Variants in TMEM8B observed in about 807,000 individuals in gnomAD.
TMEM8B encodes transmembrane protein 8B.
A neutral mutation model predicts 49.3 loss-of-function variants in TMEM8B; 29 were observed. The ratio of observed to expected loss-of-function variants is 0.59; its 90% confidence interval spans 0.44 to 0.80. The LOEUF (loss-of-function observed/expected upper bound fraction) is 0.80, where lower values mean the gene tolerates loss of function less well. Among genes scored for constraint, TMEM8B ranks in the 30% least tolerant of loss-of-function variants. The pLI, the probability that TMEM8B is intolerant of heterozygous loss-of-function variation, is 0.00. For synonymous variants in TMEM8B, 264 were observed against 272.8 expected, an observed-to-expected ratio of 0.97 and a Z score of 0.32; for missense variants, 575 against 658.5, an observed-to-expected ratio of 0.87 and a Z score of 1.39.
chr9:35,830,831 A>G (rs1466062575), intron 1 of TMEM8B, among the ~76,000 whole-genome samples: 1 of 152,196 alleles, frequency 6.6e-6, no homozygotes, highest in African/African-American at 2.4e-5. Context: ...AGTGACTTGG[A>G]CAGAAGAGAG....
chr9:35,858,284 T>G lies in TMEM8B; in HGVS notation c.*4444T>G, dbSNP rs1264979094. ...TTTTGTGTTTTTAGTAGAGGCAGGG[T>G]TTCATCACATTTCCCGGGCTGGTCT... On this transcript the variant is annotated 3_prime_UTR_variant, in exon 13 of 13. Transcript: ENST00000643932. 1 of 151,590 alleles carries G rather than the reference T, an allele frequency of 6.6e-6. No homozygotes were observed. The highest frequency in any genetic ancestry group is 1.5e-5 in the Non-Finnish European group (1 of 67,922). 9.4% of individuals were successfully genotyped at this position (151,590 alleles called of 1,614,324 possible). A position where few individuals can be genotyped will look rare whatever the true frequency, so the allele number is the denominator to read the frequency against.
rs906614941 is a variant in TMEM8B, at chr9:35,863,738, G to A, written c.*9898G>A. The A allele has an allele frequency of 6.6e-6, 1 of 152,212 alleles. No homozygotes were observed. Among genetic ancestry groups the A allele is most frequent in the Non-Finnish European group, 1.5e-5 (1 of 68,062 alleles). 9.4% of individuals were successfully genotyped at this position (152,212 alleles called of 1,614,324 possible). A position where few individuals can be genotyped will look rare whatever the true frequency, so the allele number is the denominator to read the frequency against. The stretch of plus-strand genomic sequence containing the variant: ...TGTTATGGCTGGGGAAGGACACACT[G>A]GAGGCTCTTGCTGCTCTGAGCCACA... On this transcript the variant is annotated 3_prime_UTR_variant, in exon 13 of 13. Transcript: ENST00000643932.
rs796997383 is a variant in TMEM8B at position 35,855,888 on chromosome 9, CTGTT to C, written c.*2049_*2052del. 7 of 152,334 alleles carry C rather than the reference CTGTT, an allele frequency of 4.6e-5. No individual in the cohort carries two copies. Among genetic ancestry groups the C allele is most frequent in the African/African-American group, 1.7e-4 (7 of 41,570 alleles). 9.4% of individuals were successfully genotyped at this position (152,334 alleles called of 1,614,324 possible). ...CAGTGAGGAGGTGTGAGCTAGGTGT[CTGTT>C]CCCATTTTAGAAAATACTGTTCCTA... On this transcript the variant is annotated 3_prime_UTR_variant, in exon 13 of 13. Coordinates refer to ENST00000643932, the MANE Select transcript of TMEM8B (RefSeq NM_001042590.4).
chr9:35,829,447 C>T lies in TMEM8B; in HGVS notation c.-1C>T. ...GTCCGGCCCCGCCCCCGCCCCGGGCCATGGCCCAGCCCTTGTCCCGGCCCC... is the reference window on the plus strand; with the variant it reads ...GTCCGGCCCCGCCCCCGCCCCGGGCTATGGCCCAGCCCTTGTCCCGGCCCC... On this transcript the variant is annotated 5_prime_UTR_variant, in exon 1 of 13. Transcript: ENST00000643932. 1 of 352,690 alleles carries T rather than the reference C, an allele frequency of 2.8e-6. No individual in the cohort carries two copies. Among genetic ancestry groups the T allele is most frequent in the Non-Finnish European group, 5.1e-6 (1 of 196,682 alleles). 21.8% of individuals were successfully genotyped at this position (352,690 alleles called of 1,614,324 possible).
chr9:35,864,568 G>A lies in TMEM8B; in HGVS notation c.*10728G>A, dbSNP rs1363753613. 1 of 152,178 alleles carries A rather than the reference G, an allele frequency of 6.6e-6. No homozygotes were observed. The highest frequency in any genetic ancestry group is 1.5e-5 in the Non-Finnish European group (1 of 68,052). The allele number at this position is 152,178 out of a possible 1,614,324, so 9.4% of individuals were successfully genotyped here. On this transcript the variant is annotated 3_prime_UTR_variant, in exon 13 of 13. Transcript: ENST00000643932. ...ACCATGGAGACGGCAGTATTTCCTT[G>A]TGGGCTTGTTTTAAGGATCCAGTGA...
Position 35,853,821 on chromosome 9 carries a change from G to A in TMEM8B, c.2756G>A (p.Ser919Asn), listed in dbSNP as rs776938237. Residue 919 changes from serine (S) to asparagine (N), a missense_variant, in exon 13 of 13, where the codon AGC becomes AAC. Transcript: ENST00000643932. The surrounding 1 kb of genome is among the most constrained non-coding windows in gnomAD (Gnocchi z 4.2). ...GTGGGCCCAGGAGGGGCCACTGTCA[G>A]CAGCATCTGTGCCAGCTGAGAGGGG... is the stretch of plus-strand genomic sequence containing the variant. ...GLVGPGGATVSSICAS is the reference protein window; with the variant it reads ...GLVGPGGATVNSICAS 7.1e-6 allele frequency: 11 copies of A among 1,547,420 alleles called. No homozygotes were observed. The highest frequency in any genetic ancestry group is 9.6e-6 in the Non-Finnish European group (11 of 1,149,870).
chr9:35,839,500 A>T (rs1564024412), intron 3 of TMEM8B, among the ~76,000 whole-genome samples: 1 of 152,094 alleles, frequency 6.6e-6, no homozygotes, highest in Non-Finnish European at 1.5e-5. Context: ...CTGCATGAAG[A>T]GGGGGGACTG....
intron 3 of TMEM8B, among the ~76,000 whole-genome samples, chr9:35,837,316 C>T (rs1006947434): frequency 1.3e-5 from 2 of 151,902 alleles, no homozygotes; most frequent in Admixed American, 1.3e-4. Context: ...AGATGCATGT[C>T]GGATATAGGA....
intron 1 of TMEM8B, 61 bp from the exon 2 acceptor site, chr9:35,834,400 G>A (rs559214958): frequency 2.0e-5 from 8 of 407,448 alleles, no homozygotes; most frequent in South Asian, 1.3e-4. Flanking sequence ...TGGCATGCCT[G>A]TTGCTTAATG....
rs778667409 is a variant in TMEM8B, at chr9:35,846,368, G to T, written c.1840G>T (p.Gly614Trp). The T allele has an allele frequency of 6.2e-7, 1 of 1,613,316 alleles. No homozygotes were observed. Among genetic ancestry groups the T allele is most frequent in the Non-Finnish European group, 8.5e-7 (1 of 1,179,784 alleles). The change falls in exon 8 of 13, where the codon GGG (glycine) becomes TGG (tryptophan). Residue 614 changes from glycine (G) to tryptophan (W), a missense_variant. Physicochemically the swap from Gly to Trp is radical, Grantham distance 184. Coordinates refer to ENST00000643932, the MANE Select transcript of TMEM8B (RefSeq NM_001042590.4). ...GTTCCTGGCCCTCCGCTCCCTGTGC[G>T]GGGTGGGGCCTCGGTGAGCGGTGCG... ...TWFLALRSLC[G>W]VGPRFVRCRN... is the part of the protein sequence containing the mutation.
At position 35,859,939 on chromosome 9, in the gene TMEM8B, C is replaced by G. The variant is rs897742874; in HGVS notation, c.*6099C>G. On this transcript the variant is annotated 3_prime_UTR_variant, in exon 13 of 13. Transcript: ENST00000643932. Reference sequence around the variant, plus strand: ...GGTTACAGTGCTCGTGTAGCCCCATCAGGACGTATTCCGTCACAGCTGTCT... The same window carrying G: ...GGTTACAGTGCTCGTGTAGCCCCATGAGGACGTATTCCGTCACAGCTGTCT... 6.5e-6 allele frequency: 1 copy of G among 152,900 alleles called. No individual in the cohort carries two copies. Among genetic ancestry groups the G allele is most frequent in the African/African-American group, 2.4e-5 (1 of 41,474 alleles). The allele number at this position is 152,900 out of a possible 1,614,324, so 9.5% of individuals were successfully genotyped here.
In TMEM8B at chr9:35,848,776, G is replaced by A. The variant is rs112187870; in HGVS notation, c.2175+1781G>A. ...TGCAACCTCCGCCTCCCAGGTTCAA[G>A]CGATTCTCCTGCCTCAGCCTCCTGA... On this transcript the variant is annotated intron_variant, in intron 10 of 12. Transcript: ENST00000643932. 1.9e-3 allele frequency among the ~76,000 whole-genome samples: 279 copies of A among 149,486 alleles called. 1 individual carries two copies. The highest frequency in any genetic ancestry group is 3.3e-3 in the Non-Finnish European group (220 of 67,606).
chr9:35,858,104 C>G lies in TMEM8B; in HGVS notation c.*4264C>G, dbSNP rs1025854930. On this transcript the variant is annotated 3_prime_UTR_variant, in exon 13 of 13. Transcript: ENST00000643932. ...TGGTGCTGTTCCATTTTTTTTCTTT[C>G]TTTCTTTTTTTTTTTTTTGAGACGG... 1.9e-5 allele frequency: 2 copies of G among 103,702 alleles called. No homozygotes were observed. Among genetic ancestry groups the G allele is most frequent in the Admixed American group, 2.1e-4 (2 of 9,494 alleles). The allele number at this position is 103,702 out of a possible 1,614,324, so 6.4% of individuals were successfully genotyped here. A position where few individuals can be genotyped will look rare whatever the true frequency, so the allele number is the denominator to read the frequency against.
rs986747897 is a variant in TMEM8B at position 35,863,485 on chromosome 9, G to C, written c.*9645G>C. 1.3e-5 allele frequency: 2 copies of C among 152,230 alleles called. No homozygotes were observed. Among genetic ancestry groups the C allele is most frequent in the African/African-American group, 4.8e-5 (2 of 41,452 alleles). 9.4% of individuals were successfully genotyped at this position (152,230 alleles called of 1,614,324 possible). ...ATGTTACCAGGTTGCCTACAGCTTT[G>C]CCTGTAACATGGGCACAGGCTGGGA... On this transcript the variant is annotated 3_prime_UTR_variant, in exon 13 of 13. Transcript: ENST00000643932.
At position 35,846,294 on chromosome 9, in the gene TMEM8B, C is replaced by A; in HGVS notation, c.1766C>A (p.Thr589Asn). ...GGCTTCCTCCTCTCTGTCAGTGCCACCACCAGGGTTGCCAGGCTGCGAATC... is the reference window on the plus strand; with the variant it reads ...GGCTTCCTCCTCTCTGTCAGTGCCAACACCAGGGTTGCCAGGCTGCGAATC... ...LAGFLLSVSA[T>N]TRVARLRIPF... Residue 589 changes from threonine (T) to asparagine (N), a missense_variant, in exon 8 of 13, where the codon ACC becomes AAC. Transcript: ENST00000643932. 2 of 1,614,230 alleles carry A rather than the reference C, an allele frequency of 1.2e-6. No individual in the cohort carries two copies. The highest frequency in any genetic ancestry group is 1.7e-6 in the Non-Finnish European group (2 of 1,180,038).
Position 35,842,631 on chromosome 9 carries a change from C to G in TMEM8B, c.1549C>G (p.Pro517Ala). The change falls in exon 6 of 13, where the codon CCT becomes GCT. Residue 517 changes from proline to alanine, a missense_variant. Transcript: ENST00000643932. The surrounding 1 kb of genome is among the most constrained non-coding windows in gnomAD (Gnocchi z 5.6). Reference sequence around the variant, plus strand: ...CTTTGGCCCAAGTGTGGCCCTTCCCCCTGAGCGCCCAGCCGTGTTCGCCAT... The same window carrying G: ...CTTTGGCCCAAGTGTGGCCCTTCCCGCTGAGCGCCCAGCCGTGTTCGCCAT... ...IFFGPSVALPPERPAVFAMRL... is the reference protein window; with the variant it reads ...IFFGPSVALPAERPAVFAMRL... The G allele has an allele frequency of 1.2e-6, 2 of 1,614,224 alleles. No homozygotes were observed. Among genetic ancestry groups the G allele is most frequent in the Non-Finnish European group, 1.7e-6 (2 of 1,180,048 alleles).
intron 1 of TMEM8B, chr9:35,833,409 T>C (rs1830108305): frequency 1.0e-6 from 1 of 977,036 alleles, no homozygotes; most frequent in South Asian, 4.7e-5. Flanking sequence ...GAGGTTTACT[T>C]TGAGAGACCT....
rs76908268 is a variant in TMEM8B, at chr9:35,846,544, G to A, written c.1929G>A (p.Gly643=). 2.4e-3 allele frequency: 3,770 copies of A among 1,578,616 alleles called. 57 individuals carry two copies. In the African/African-American group the frequency reaches 0.039, roughly 16 times the overall value. Residue 643 remains glycine (G), a synonymous_variant, in exon 9 of 13, where the codon GGG becomes GGA. Coordinates refer to ENST00000643932, the MANE Select transcript of TMEM8B (RefSeq NM_001042590.4). ...TFLSPCVDDC[G]PYGQCKLLRT... ...TGTCCCCATGCGTGGACGACTGCGG[G>A]CCCTACGGCCAGTGCAAGCTGCTGC...
At position 35,862,089 on chromosome 9, in the gene TMEM8B, C is replaced by G. The variant is rs1832663453; in HGVS notation, c.*8249C>G. The G allele has an allele frequency of 6.6e-6, 1 of 152,210 alleles. No homozygotes were observed. The highest frequency in any genetic ancestry group is 2.4e-5 in the African/African-American group (1 of 41,456). 9.4% of individuals were successfully genotyped at this position (152,210 alleles called of 1,614,324 possible). A position where few individuals can be genotyped will look rare whatever the true frequency, so the allele number is the denominator to read the frequency against. ...GTAAAGAATTCCCCAAGTGTGAAGC[C>G]TCATTCATTCACTTATTCAACAAAT... On this transcript the variant is annotated 3_prime_UTR_variant, in exon 13 of 13. Transcript: ENST00000643932.
Sources: gnomAD v4.1 joint callset for allele counts (sites outside exome capture counted in the v4.1 genomes callset) on GRCh38, gnomAD v4.1.1 for gene constraint, Gnocchi (gnomAD v3.1) non-coding constraint, MANE v1.5 for transcripts, NCBI Gene and HGNC (gene_info 2026-07-23, HGNC 2026-07-21) for gene names.